The following CEMIP2 variants were observed in gnomAD, a reference collection of about 807,000 sequenced individuals.
The protein encoded by CEMIP2 is cell migration inducing hyaluronidase 2.
In CEMIP2, 79 loss-of-function variants were observed where a neutral mutation model predicts 146.9. The observed-to-expected ratio is 0.54, with a 90% CI of 0.45 to 0.65. The LOEUF (loss-of-function observed/expected upper bound fraction) is 0.65. Among genes scored for constraint, CEMIP2 ranks in the 30% least tolerant of loss-of-function variants. The pLI is 0.00. For missense variants in CEMIP2, 1,596 were observed against 1,696.2 expected (o/e 0.94, Z 1.04); for synonymous variants, 601 against 606.3 (o/e 0.99, Z 0.13).
intron 21 of CEMIP2, 70 bp from the exon 22 acceptor site, chr9:71,690,316 C>T (rs1231506782): frequency 7.1e-6 from 11 of 1,550,730 alleles, no homozygotes; most frequent in South Asian, 2.3e-5. Context: ...CTCATTTTTC[C>T]GGCCCTTTCC....
chr9:71,744,006 C>T (rs915838843), intron 4 of CEMIP2, among the ~76,000 whole-genome samples: 1 of 152,140 alleles, frequency 6.6e-6, no homozygotes, highest in Admixed American at 6.5e-5. Context: ...AAGCTTCTGT[C>T]TTTTAAATGA....
intron 1 of CEMIP2, among the ~76,000 whole-genome samples, chr9:71,758,566 T>G (rs1589169990): frequency 6.6e-6 from 1 of 152,180 alleles, no homozygotes; most frequent in Non-Finnish European, 1.5e-5. Context: ...GGTCTTGTTA[T>G]GTAGATGAAC....
intron 2 of CEMIP2, among the ~76,000 whole-genome samples, chr9:71,748,498 T>C (rs1426116222): frequency 6.6e-6 from 1 of 152,178 alleles, no homozygotes; most frequent in African/African-American, 2.4e-5. Context: ...ATATCAGCAA[T>C]GCCCTGTTTT....
chr9:71,740,417 C>T (rs1823880917), intron 4 of CEMIP2, among the ~76,000 whole-genome samples, 185 bp from the exon 5 acceptor site: 1 of 152,208 alleles, frequency 6.6e-6, no homozygotes, highest in Non-Finnish European at 1.5e-5. Flanking sequence ...GAAGGAAATG[C>T]AGCTACTTTT....
chr9:71,706,451 T>C (rs868791333), intron 17 of CEMIP2, among the ~76,000 whole-genome samples: 6 of 152,236 alleles, frequency 3.9e-5, no homozygotes, highest in Middle Eastern at 3.4e-3. Context: ...CAGTGCCCCC[T>C]GAGGAGTATT....
chr9:71,718,085 G>A lies in CEMIP2; in HGVS notation c.2268-6C>T. On this transcript the variant is annotated splice_polypyrimidine_tract_variant and splice_region_variant and intron_variant, in intron 12 of 23. Coordinates refer to ENST00000377044, the MANE Select transcript of CEMIP2 (RefSeq NM_013390.3). ...CATCCTGATGAGGTCGAAATCTAGGGGTTAAAAAAAGAATTTTAAAAAATA... is the reference window on the plus strand; with the variant it reads ...CATCCTGATGAGGTCGAAATCTAGGAGTTAAAAAAAGAATTTTAAAAAATA... 3 of 1,587,032 alleles carry A rather than the reference G, an allele frequency of 1.9e-6. No individual in the cohort carries two copies. Among genetic ancestry groups the A allele is most frequent in the Non-Finnish European group, 1.7e-6 (2 of 1,168,232 alleles).
rs371354260 is a variant in CEMIP2, at chr9:71,712,257, C to G, written c.2595G>C (p.Thr865=). The G allele has an allele frequency of 8.7e-6, 14 of 1,613,446 alleles. No individual in the cohort carries two copies. The East Asian group carries it at 2.9e-4, about 33-fold the overall frequency. The stretch of plus-strand genomic sequence containing the variant: ...AAATCTGAAAGCCTCTAATTGGGAA[C>G]GTCCTGTGGAAATACAAGATTTTGT... The part of the protein sequence containing the change: ...QKPRTLPRNR[T]FPIRGFQIYD... The change falls in exon 16 of 24, where the codon ACG becomes ACC. Residue 865 remains threonine (T), a synonymous_variant. Coordinates refer to ENST00000377044, the MANE Select transcript of CEMIP2 (RefSeq NM_013390.3).
At chr9:71,758,851 G>A (rs1368784276) in intron 1 of CEMIP2, among the ~76,000 whole-genome samples, 1 of 152,130 alleles carries the variant, frequency 6.6e-6, no homozygotes, top group African/African-American at 2.4e-5. Context: ...TTTTCCACAG[G>A]ACATGCCTTC....
chr9:71,739,059 T>A (rs1044633942), intron 5 of CEMIP2, among the ~76,000 whole-genome samples: 1 of 152,166 alleles, frequency 6.6e-6, no homozygotes, highest in African/African-American at 2.4e-5. Flanking sequence ...CTCTGATTCC[T>A]GAAGAAAATT....
chr9:71,762,298 C>T (rs1400241987), intron 1 of CEMIP2, among the ~76,000 whole-genome samples: 1 of 152,016 alleles, frequency 6.6e-6, no homozygotes, highest in Non-Finnish European at 1.5e-5. Flanking sequence ...AGAGTGGCAG[C>T]TGGACTTCAC....
chr9:71,700,922 T>C, intron 18 of CEMIP2, 98 bp from the exon 19 acceptor site: 1 of 1,084,190 alleles, frequency 9.2e-7, no homozygotes, highest in Non-Finnish European at 1.3e-6. Context: ...GTGCCACTTC[T>C]TCCACTTCCT....
rs1305643478 is a variant in CEMIP2 at position 71,748,995 on chromosome 9, T to C, written c.331+1048A>G. Among the ~76,000 whole-genome samples the C allele has an allele frequency of 2.0e-5, 3 of 152,226 alleles. 1 individual carries two copies. The highest frequency in any genetic ancestry group is 4.4e-5 in the Non-Finnish European group (3 of 68,034). The stretch of plus-strand genomic sequence containing the variant: ...TACCCAGTCCAGGCTGTTAGAGTCT[T>C]CTCTCTTCACAGCCCCGAGTCCTTT... On this transcript the variant is annotated intron_variant, in intron 2 of 23. Transcript: ENST00000377044.
In CEMIP2 at chr9:71,707,748, T is replaced by C. The variant is rs74417148; in HGVS notation, c.2985+1511A>G. On this transcript the variant is annotated intron_variant, in intron 17 of 23. Coordinates refer to ENST00000377044, the MANE Select transcript of CEMIP2 (RefSeq NM_013390.3). ...AAGAGCCCATGCTACGAAAAGAACA[T>C]CTAGCAGCAAATCAAAGAAAGGGGC... Among the ~76,000 whole-genome samples, 250 of 152,228 alleles carry C rather than the reference T, an allele frequency of 1.6e-3. 1 individual carries two copies. Among genetic ancestry groups the C allele is most frequent in the African/African-American group, 5.6e-3 (233 of 41,552 alleles).
chr9:71,701,609 T>C (rs1044505444), intron 18 of CEMIP2, among the ~76,000 whole-genome samples: 1 of 152,200 alleles, frequency 6.6e-6, no homozygotes, highest in African/African-American at 2.4e-5. Context: ...TTACCTTTTA[T>C]AAATGTATTA....
intron 1 of CEMIP2, among the ~76,000 whole-genome samples, chr9:71,755,958 T>TCA (rs1564027533): frequency 2.2e-5 from 1 of 46,364 alleles, no homozygotes; most frequent in Non-Finnish European, 3.4e-5. Context: ...TGACTCTGTC[T>TCA]CACAAAAAAA....
chr9:71,690,369 T>C lies in CEMIP2; in HGVS notation c.3697-123A>G, dbSNP rs1589124556. 5 of 1,238,508 alleles carry C rather than the reference T, an allele frequency of 4.0e-6. No homozygotes were observed. The East Asian group carries it at 1.0e-4, about 25-fold the overall frequency. The allele number at this position is 1,238,508 out of a possible 1,614,324, so 76.7% of individuals were successfully genotyped here. Reference sequence around the variant, plus strand: ...ATGATTCAAAGTATATTTCCAAGATTCAAATTGTGTGCTTCACTTGCTTTT... The same window carrying C: ...ATGATTCAAAGTATATTTCCAAGATCCAAATTGTGTGCTTCACTTGCTTTT... On this transcript the variant is annotated intron_variant, in intron 21 of 23. Transcript: ENST00000377044.
chr9:71,748,188 T>C (rs991495346), intron 2 of CEMIP2, among the ~76,000 whole-genome samples: 1 of 152,212 alleles, frequency 6.6e-6, no homozygotes, highest in Non-Finnish European at 1.5e-5. Context: ...TTTTTAATTA[T>C]TTCCCAGGAG....
At position 71,746,235 on chromosome 9, in the gene CEMIP2, G is replaced by A. The variant is rs116793684; in HGVS notation, c.438C>T (p.Asp146=). ...GAATGACTATAGAATGCACGGTGGC[G>A]TCTGAGGTCAGACGGAGCATATCTC... The part of the protein sequence containing the change: ...KEGDMLRLTS[D]ATVHSIVIQD... The change falls in exon 3 of 24, where the codon GAC becomes GAT. Residue 146 remains aspartate, a synonymous_variant. Coordinates refer to ENST00000377044, the MANE Select transcript of CEMIP2 (RefSeq NM_013390.3). The A allele has an allele frequency of 6.9e-4, 1,112 of 1,613,854 alleles. 6 individuals carry two copies. The African/African-American group carries it at 0.013, about 18-fold the overall frequency.
chr9:71,728,229 C>A (rs370011322), intron 10 of CEMIP2, among the ~76,000 whole-genome samples: 5,099 of 16,892 alleles, frequency 0.3, 1,247 homozygotes, highest in East Asian at 0.44. Context: ...CTCTCTCTCT[C>A]TCTATATATA....
Sources: allele counts gnomAD v4.1 joint callset (sites outside exome capture counted in the v4.1 genomes callset), GRCh38; gene constraint gnomAD v4.1.1; transcripts MANE v1.5; gene names NCBI Gene and HGNC (gene_info 2026-07-23, HGNC 2026-07-21).